TTC29: variants seen among roughly 807,000 people sequenced by gnomAD.
TTC29 encodes tetratricopeptide repeat protein 29.
A neutral mutation model predicts 58.1 loss-of-function variants in TTC29; 49 were observed. That is an observed-to-expected ratio of 0.84 (90% CI 0.67 to 1.07). The LOEUF (loss-of-function observed/expected upper bound fraction) is 1.07. TTC29 is among the 50% of genes least tolerant of loss of function. TTC29 has a pLI of 0.00. For synonymous variants in TTC29, 209 were observed against 196.8 expected, an observed-to-expected ratio of 1.06 and a Z score of -0.52; for missense variants, 582 against 555.6, an observed-to-expected ratio of 1.05 and a Z score of -0.48.
intron 9 of TTC29, among the ~76,000 whole-genome samples, chr4:146,824,040 T>C (rs1380287038): frequency 6.6e-6 from 1 of 152,202 alleles, no homozygotes; most frequent in Admixed American, 6.5e-5. Context: ...AATCATGTCA[T>C]CTGCAAACAG....
At position 146,736,172 on chromosome 4, in the gene TTC29, CA is replaced by C. The variant is rs1305413457; in HGVS notation, c.1331-28622del. On this transcript the variant is annotated intron_variant, in intron 11 of 12. Coordinates refer to ENST00000325106, the MANE Select transcript of TTC29 (RefSeq NM_031956.4). ...TGGAACGATAGTCAAGCAGATTAAT[CA>C]AGATAAAGATTGAGGAAAGGGCCAG... Among the ~76,000 whole-genome samples, 3 of 151,590 alleles carry C rather than the reference CA, an allele frequency of 2.0e-5. No homozygotes were observed. In the South Asian group the frequency reaches 6.2e-4, roughly 32 times the overall value.
chr4:146,903,909 T>C (rs956605086), intron 5 of TTC29, among the ~76,000 whole-genome samples, 180 bp from the exon 6 acceptor site: 6 of 152,126 alleles, frequency 3.9e-5, no homozygotes, highest in African/African-American at 1.4e-4. Flanking sequence ...ATTACATTAA[T>C]TAAAGGATGT....
At chr4:146,862,866 T>C (rs751593050) in intron 8 of TTC29, among the ~76,000 whole-genome samples, 1 of 152,120 alleles carries the variant, frequency 6.6e-6, no homozygotes, top group Non-Finnish European at 1.5e-5. Context: ...CTCACCACTG[T>C]AATCCCAGCA....
chr4:146,880,794 A>G (rs1309468588), intron 6 of TTC29, among the ~76,000 whole-genome samples: 1 of 152,092 alleles, frequency 6.6e-6, no homozygotes, highest in Non-Finnish European at 1.5e-5. Context: ...TTTTGATTCT[A>G]TGAATATTTT....
intron 4 of TTC29, among the ~76,000 whole-genome samples, chr4:146,923,332 C>T (rs561095790): frequency 4.1e-4 from 62 of 151,626 alleles, no homozygotes; most frequent in African/African-American, 1.2e-3. Context: ...CACACACGCG[C>T]GTGCACACTA....
At chr4:146,776,220 T>C (rs1199677573) in intron 11 of TTC29, among the ~76,000 whole-genome samples, 1 of 152,202 alleles carries the variant, frequency 6.6e-6, no homozygotes, top group African/African-American at 2.4e-5. Context: ...ATTCCTTGGA[T>C]TGGGTTTCAA....
intron 5 of TTC29, among the ~76,000 whole-genome samples, chr4:146,908,572 T>C (rs1214546350): frequency 1.3e-5 from 2 of 152,348 alleles, no homozygotes; most frequent in East Asian, 3.9e-4. Context: ...ATAAATTCTC[T>C]GATTCAAATC....
intron 11 of TTC29, among the ~76,000 whole-genome samples, chr4:146,765,470 G>C (rs1353271551): frequency 1.3e-5 from 2 of 152,040 alleles, no homozygotes; most frequent in Non-Finnish European, 2.9e-5. Flanking sequence ...CAAAGTGCTG[G>C]GATTACAGGC....
At chr4:146,748,156 G>A (rs148974964) in intron 11 of TTC29, among the ~76,000 whole-genome samples, 30 of 152,320 alleles carry the variant, frequency 2.0e-4, no homozygotes, top group African/African-American at 6.0e-4. Flanking sequence ...TGGCAGCTGT[G>A]CCTTGCTCTG....
intron 11 of TTC29, among the ~76,000 whole-genome samples, chr4:146,800,649 A>G (rs1450854947): frequency 6.6e-6 from 1 of 152,206 alleles, no homozygotes; most frequent in East Asian, 1.9e-4. Flanking sequence ...GTTTTCCAAG[A>G]AGGGGGGATA....
intron 4 of TTC29, among the ~76,000 whole-genome samples, chr4:146,931,179 C>CAA (rs905164941): frequency 7.1e-6 from 1 of 140,626 alleles, no homozygotes; most frequent in Non-Finnish European, 1.6e-5. Flanking sequence ...CCTGTCTCTA[C>CAA]AAAAAAAAAA....
At chr4:146,917,844 C>T (rs1479953938) in intron 4 of TTC29, among the ~76,000 whole-genome samples, 1 of 149,258 alleles carries the variant, frequency 6.7e-6, no homozygotes, top group Non-Finnish European at 1.5e-5. Context: ...CTAAAAATTT[C>T]TTAGAATTGC....
intron 6 of TTC29, among the ~76,000 whole-genome samples, chr4:146,897,678 C>A (rs982732733): frequency 3.9e-5 from 6 of 152,234 alleles, no homozygotes; most frequent in Admixed American, 3.3e-4. Flanking sequence ...GGGAGACCAG[C>A]ACCCTGCTAT....
At chr4:146,806,661 AG>A (rs1750641250) in intron 10 of TTC29, among the ~76,000 whole-genome samples, 1 of 152,182 alleles carries the variant, frequency 6.6e-6, no homozygotes, top group African/African-American at 2.4e-5. Flanking sequence ...ATAATGGTAA[AG>A]GGATCAATGA....
At chr4:146,876,607 G>C (rs1457952651) in intron 6 of TTC29, among the ~76,000 whole-genome samples, 1 of 152,130 alleles carries the variant, frequency 6.6e-6, no homozygotes, top group African/African-American at 2.4e-5. Context: ...AAAACAACCA[G>C]TGGTGGTGGA....
intron 11 of TTC29, among the ~76,000 whole-genome samples, chr4:146,731,974 G>A (rs765097208): frequency 6.6e-6 from 1 of 152,186 alleles, no homozygotes; most frequent in Admixed American, 6.6e-5. Flanking sequence ...GCCAATACTT[G>A]TTAATCAGCT....
chr4:146,893,212 C>G (rs1239181865), intron 6 of TTC29, among the ~76,000 whole-genome samples: 1 of 152,064 alleles, frequency 6.6e-6, no homozygotes, highest in Non-Finnish European at 1.5e-5. Flanking sequence ...AAACAGAGCT[C>G]GCATCACCAA....
chr4:146,747,356 C>T lies in TTC29; in HGVS notation c.1331-39805G>A, dbSNP rs185201354. Among the ~76,000 whole-genome samples, 267 of 152,322 alleles carry T rather than the reference C, an allele frequency of 1.8e-3. 1 individual carries two copies. The highest frequency in any genetic ancestry group is 6.1e-3 in the African/African-American group (254 of 41,558). On this transcript the variant is annotated intron_variant, in intron 11 of 12. Transcript: ENST00000325106. ...CCATTACGTCCTTCCATCCCTGAGG[C>T]TCAGCCACCACTGCACCACAGGAAC...
At chr4:146,922,889 T>A (rs1734688256) in intron 4 of TTC29, among the ~76,000 whole-genome samples, 1 of 151,872 alleles carries the variant, frequency 6.6e-6, no homozygotes, top group African/African-American at 2.4e-5. Flanking sequence ...ACTTATTTTT[T>A]AAAATAACAA....
Sources: gnomAD v4.1 joint callset for allele counts (sites outside exome capture counted in the v4.1 genomes callset) on GRCh38, gnomAD v4.1.1 for gene constraint, MANE v1.5 for transcripts, NCBI Gene and HGNC (gene_info 2026-07-23, HGNC 2026-07-21) for gene names.